Variants in GABRB1 observed in about 807,000 individuals in gnomAD.
The protein encoded by GABRB1 is gamma-aminobutyric acid type A receptor subunit beta1.
A neutral mutation model predicts 51.6 loss-of-function variants in GABRB1; 17 were observed. The ratio of observed to expected loss-of-function variants is 0.33; its 90% confidence interval spans 0.23 to 0.49. The LOEUF (loss-of-function observed/expected upper bound fraction) is 0.49, where lower values mean the gene tolerates loss of function less well. Among genes scored for constraint, GABRB1 ranks in the 20% least tolerant of loss-of-function variants. The probability of loss-of-function intolerance (pLI) is 0.99; values close to 1 mark genes in which losing one functional copy is unlikely to be tolerated. For synonymous variants in GABRB1, 247 were observed against 218.9 expected (o/e 1.13, Z -1.14); for missense variants, 410 against 600.6 (o/e 0.68, Z 3.32).
intron 3 of GABRB1, chr4:47,042,991 A>ACT (rs1725924579): frequency 6.6e-6 from 1 of 152,080 alleles, no homozygotes; most frequent in Non-Finnish European, 1.5e-5. Flanking sequence ...TGGTAAATCA[A>ACT]CTACCACATT....
intron 1 of GABRB1, among the ~76,000 whole-genome samples, chr4:47,025,997 C>T (rs1048066907): frequency 1.3e-5 from 2 of 151,964 alleles, no homozygotes; most frequent in African/African-American, 4.8e-5. Flanking sequence ...CAGAAAGTTT[C>T]AACTCTATTG....
At chr4:47,135,500 A>T (rs567258784) in intron 3 of GABRB1, among the ~76,000 whole-genome samples, 9 of 152,266 alleles carry the variant, frequency 5.9e-5, no homozygotes, top group African/African-American at 1.9e-4. Context: ...GAGACATTTT[A>T]GTGGTTGAAA....
At chr4:47,309,404 A>T (rs145848513) in intron 4 of GABRB1, among the ~76,000 whole-genome samples, 3 of 152,250 alleles carry the variant, frequency 2.0e-5, no homozygotes, top group Non-Finnish European at 2.9e-5. Flanking sequence ...GTAGCTAATT[A>T]GCTGAAAATG....
intron 1 of GABRB1, among the ~76,000 whole-genome samples, chr4:46,995,770 A>C (rs1723976013): frequency 1.3e-5 from 2 of 152,242 alleles, no homozygotes; most frequent in Admixed American, 1.3e-4. Flanking sequence ...TTAAGAAACC[A>C]AAATAATGGC....
intron 4 of GABRB1, among the ~76,000 whole-genome samples, chr4:47,297,876 A>G (rs2109932780): frequency 6.6e-6 from 1 of 152,334 alleles, no homozygotes; most frequent in East Asian, 1.9e-4. Context: ...GCAGCACATC[A>G]AAAAGCTTAT....
At chr4:47,425,602 A>T in intron 8 of GABRB1, 72 bp from the exon 9 acceptor site, 1 of 1,166,394 alleles carries the variant, frequency 8.6e-7, no homozygotes. Context: ...ATGGGGTATC[A>T]TTAGTAACAG....
chr4:47,000,138 T>G (rs1461982908), intron 1 of GABRB1, among the ~76,000 whole-genome samples: 1 of 152,126 alleles, frequency 6.6e-6, no homozygotes, highest in African/African-American at 2.4e-5. Context: ...AACCACTTTC[T>G]CTCAATAATG....
At chr4:47,384,229 T>TAC (rs530051854) in intron 5 of GABRB1, among the ~76,000 whole-genome samples, 5 of 152,054 alleles carry the variant, frequency 3.3e-5, no homozygotes, top group South Asian at 4.1e-4. Flanking sequence ...TTGTTATATG[T>TAC]ACACACACAC....
intron 4 of GABRB1, among the ~76,000 whole-genome samples, chr4:47,203,188 G>A (rs924610238): frequency 2.0e-5 from 3 of 152,112 alleles, no homozygotes; most frequent in Non-Finnish European, 4.4e-5. Flanking sequence ...ACAACACCAG[G>A]CACTTCTACA....
chr4:47,289,595 C>T (rs1431520096), intron 4 of GABRB1, among the ~76,000 whole-genome samples: 3 of 152,140 alleles, frequency 2.0e-5, no homozygotes, highest in African/African-American at 7.2e-5. Context: ...TGGTCACACA[C>T]TAAAATAGTA....
At chr4:47,307,833 G>A (rs1724525625) in intron 4 of GABRB1, among the ~76,000 whole-genome samples, 1 of 151,792 alleles carries the variant, frequency 6.6e-6, no homozygotes, top group Non-Finnish European at 1.5e-5. Flanking sequence ...ACAATTACAT[G>A]AGAAACACTT....
intron 3 of GABRB1, among the ~76,000 whole-genome samples, chr4:47,102,131 T>C (rs2109609280): frequency 6.6e-6 from 1 of 152,090 alleles, no homozygotes. Context: ...AGGTACAGGA[T>C]AAAGGAGCTC....
chr4:47,086,301 G>A (rs916122365), intron 3 of GABRB1, among the ~76,000 whole-genome samples: 1 of 152,024 alleles, frequency 6.6e-6, no homozygotes, highest in Non-Finnish European at 1.5e-5. Context: ...CGGTTCTCTT[G>A]TATTTACAAT....
intron 4 of GABRB1, among the ~76,000 whole-genome samples, chr4:47,218,151 T>A (rs1443190537): frequency 3.3e-5 from 5 of 151,892 alleles, no homozygotes; most frequent in Non-Finnish European, 7.4e-5. Flanking sequence ...TCCATGTTGC[T>A]GCAAATGACA....
At chr4:47,353,606 A>G (rs535420011) in intron 5 of GABRB1, among the ~76,000 whole-genome samples, 1 of 152,338 alleles carries the variant, frequency 6.6e-6, no homozygotes, top group South Asian at 2.1e-4. Context: ...TAAAATGGGA[A>G]TGAATACCTA....
chr4:47,351,396 T>C (rs572812569), intron 5 of GABRB1, among the ~76,000 whole-genome samples: 1 of 152,284 alleles, frequency 6.6e-6, no homozygotes, highest in Non-Finnish European at 1.5e-5. Flanking sequence ...AATTTCACCA[T>C]AGAATTTTGG....
intron 4 of GABRB1, among the ~76,000 whole-genome samples, chr4:47,233,199 C>G (rs1447618854): frequency 2.0e-5 from 3 of 151,986 alleles, no homozygotes; most frequent in Non-Finnish European, 4.4e-5. Flanking sequence ...TCTATGTTTT[C>G]ATAACCTTGG....
chr4:47,044,863 C>G (rs1165173927), intron 3 of GABRB1, among the ~76,000 whole-genome samples: 1 of 151,978 alleles, frequency 6.6e-6, no homozygotes. Flanking sequence ...TAATTTCCCC[C>G]TCTTCCCTCC....
chr4:46,994,446 G>A (rs549689144), intron 1 of GABRB1: 6 of 152,062 alleles, frequency 3.9e-5, no homozygotes, highest in African/African-American at 1.2e-4. Flanking sequence ...AGAGAGAGTG[G>A]GGGGGGAAAG....
Sources: allele counts gnomAD v4.1 joint callset (sites outside exome capture counted in the v4.1 genomes callset), GRCh38; gene constraint gnomAD v4.1.1; transcripts MANE v1.5; gene names NCBI Gene and HGNC (gene_info 2026-07-23, HGNC 2026-07-21).